Variants in PIAS4 observed in about 807,000 individuals in gnomAD.
PIAS4 encodes E3 SUMO-protein ligase PIAS4.
PIAS4 carries 7 observed loss-of-function variants against 58.0 expected under a neutral mutation model. The observed-to-expected ratio is 0.12, with a 90% CI of 0.07 to 0.23. The LOEUF (loss-of-function observed/expected upper bound fraction) is 0.23. Ranked by LOEUF, PIAS4 falls within the 10% of genes least tolerant of loss-of-function variation. The pLI, the probability that PIAS4 is intolerant of heterozygous loss-of-function variation, is 1.00. For missense variants in PIAS4, 550 were observed against 709.5 expected (o/e 0.78, Z 2.55); for synonymous variants, 364 against 312.4 (o/e 1.17, Z -1.74).
intron 7 of PIAS4, among the ~76,000 whole-genome samples, chr19:4,031,879 C>T (rs2040226099): frequency 6.6e-6 from 1 of 152,212 alleles, no homozygotes; most frequent in Non-Finnish European, 1.5e-5. Context: ...ACCTGCATCC[C>T]CTCCTAGCTG....
Position 4,037,477 on chromosome 19 carries a change from A to G in PIAS4, c.1246A>G (p.Ser416Gly). ...PIRAEKERSC[S>G]PQGAILVLGP... ...CCGCGCCGAAAAGGAGCGCAGCTGC[A>G]GCCCGCAGGGCGCCATCCTCGTGCT... The change falls in exon 10 of 11, where the codon AGC becomes GGC. Residue 416 changes from serine (S) to glycine (G), a missense_variant. Around this residue, in one of 4 missense-constraint regions of PIAS4, gnomAD observed 188 missense variants for 192.0 expected, o/e 0.98. Transcript: ENST00000262971. The surrounding 1 kb of genome is among the most constrained non-coding windows in gnomAD (Gnocchi z 5.8). 2 of 1,611,284 alleles carry G rather than the reference A, an allele frequency of 1.2e-6. No homozygotes were observed. Among genetic ancestry groups the G allele is most frequent in the Non-Finnish European group, 8.5e-7 (1 of 1,179,510 alleles).
intron 7 of PIAS4, among the ~76,000 whole-genome samples, 162 bp downstream of exon 7, chr19:4,029,198 T>C (rs1206455599): frequency 1.3e-5 from 2 of 152,144 alleles, no homozygotes; most frequent in Non-Finnish European, 2.9e-5. Context: ...GGGAGGTCTC[T>C]GGAGGATACG....
chr19:4,031,746 G>A (rs980902250), intron 7 of PIAS4, among the ~76,000 whole-genome samples: 3 of 152,334 alleles, frequency 2.0e-5, no homozygotes, highest in Non-Finnish European at 2.9e-5. Flanking sequence ...CAGCCTCTCT[G>A]TCACTGGATT....
chr19:4,013,695 G>A lies in PIAS4; in HGVS notation c.454+346G>A, dbSNP rs1177396956. Among the ~76,000 whole-genome samples, 11 of 152,124 alleles carry A rather than the reference G, an allele frequency of 7.2e-5. No individual in the cohort carries two copies. The highest frequency in any genetic ancestry group is 2.2e-4 in the African/African-American group (9 of 41,418). On this transcript the variant is annotated intron_variant, in intron 2 of 10. Coordinates refer to ENST00000262971, the MANE Select transcript of PIAS4 (RefSeq NM_015897.4). This position sits in a 1 kb window ranked among gnomAD's most constrained non-coding sequence, Gnocchi z 5.1. ...CTCATCTGGAGGCTCGACCAGGGCT[G>A]GAGCAGGCACATCCTTGTGTGGTGG... is the stretch of plus-strand genomic sequence containing the variant.
chr19:4,037,361 C>A lies in PIAS4; in HGVS notation c.1143-13C>A, dbSNP rs373574446. 7 of 1,594,422 alleles carry A rather than the reference C, an allele frequency of 4.4e-6. No homozygotes were observed. The highest frequency in any genetic ancestry group is 6.0e-6 in the Non-Finnish European group (7 of 1,167,700). ...ACCTCCAGCCCCGGCGTCAGCTGTC[C>A]GCCTCGCCCCAGGCTCCTCTCGAAG... On this transcript the variant is annotated splice_polypyrimidine_tract_variant and intron_variant, in intron 9 of 10. Transcript: ENST00000262971. This position sits in a 1 kb window ranked among gnomAD's most constrained non-coding sequence, Gnocchi z 5.8.
chr19:4,028,819 A>G lies in PIAS4; in HGVS notation c.772A>G (p.Ile258Val). The part of the protein sequence containing the change: ...LMYLSSATNR[I>V]TVTWGNYGKS... ...GTACCTGTCCTCGGCCACCAACCGC[A>G]TCACTGTCACCTGGGGGAACTACGG... The change falls in exon 6 of 11, where the codon ATC becomes GTC. Residue 258 changes from isoleucine to valine, a missense_variant. Around this residue, in one of 4 missense-constraint regions of PIAS4, gnomAD observed 225 missense variants for 345.8 expected, o/e 0.65. Transcript: ENST00000262971. 1 of 1,613,494 alleles carries G rather than the reference A, an allele frequency of 6.2e-7. No homozygotes were observed. Among genetic ancestry groups the G allele is most frequent in the East Asian group, 2.2e-5 (1 of 44,868 alleles).
rs1297649742 is a variant in PIAS4 at position 4,037,006 on chromosome 19, C to CA, written c.1143-367dup. Among the ~76,000 whole-genome samples the CA allele has an allele frequency of 1.3e-5, 2 of 152,246 alleles. No homozygotes were observed. Among genetic ancestry groups the CA allele is most frequent in the Non-Finnish European group, 2.9e-5 (2 of 68,048 alleles). On this transcript the variant is annotated intron_variant, in intron 9 of 10. Transcript: ENST00000262971. The surrounding 1 kb of genome is among the most constrained non-coding windows in gnomAD (Gnocchi z 5.8). ...GCTCGCACACATGCACAGATACACT[C>CA]ACGTCCACACACGCTCAAACATGCG...
intron 9 of PIAS4, 99 bp downstream of exon 9, chr19:4,033,679 C>T: frequency 2.0e-6 from 2 of 1,009,586 alleles, no homozygotes; most frequent in East Asian, 2.6e-5. Context: ...CCCAGCAAGA[C>T]ACAGCAGTGG....
At position 4,037,978 on chromosome 19, in the gene PIAS4, C is replaced by A; in HGVS notation, c.*103C>A. ...TGACCTTTCTTTTTCTTTTTATTGT[C>A]GTTCGTTTTGTTTTTCCACCCTTTT... On this transcript the variant is annotated 3_prime_UTR_variant, in exon 11 of 11. Transcript: ENST00000262971. The surrounding 1 kb of genome is among the most constrained non-coding windows in gnomAD (Gnocchi z 5.8). 1 of 1,293,276 alleles carries A rather than the reference C, an allele frequency of 7.7e-7. No individual in the cohort carries two copies. Among genetic ancestry groups the A allele is most frequent in the Non-Finnish European group, 1.0e-6 (1 of 954,144 alleles). The allele number at this position is 1,293,276 out of a possible 1,614,324, so 80.1% of individuals were successfully genotyped here.
chr19:4,014,974 C>T (rs1196295741), intron 2 of PIAS4, among the ~76,000 whole-genome samples: 5 of 152,178 alleles, frequency 3.3e-5, no homozygotes, highest in African/African-American at 1.2e-4. Context: ...AGCCGAGGCT[C>T]CTCCCTCCAG....
rs2040185918 is a variant in PIAS4 at position 4,028,144 on chromosome 19, A to G, written c.540-2A>G. 1 of 1,613,508 alleles carries G rather than the reference A, an allele frequency of 6.2e-7. No homozygotes were observed. The highest frequency in any genetic ancestry group is 8.5e-7 in the Non-Finnish European group (1 of 1,179,880). On this transcript the variant is annotated splice_acceptor_variant, in intron 3 of 10. Coordinates refer to ENST00000262971, the MANE Select transcript of PIAS4 (RefSeq NM_015897.4). LOFTEE classifies it high-confidence loss of function. ...TTCCTCTGGTTTGCTCCACACCCAC[A>G]GGGAACTGCAGCCCGGAGTTAAAGC...
intron 2 of PIAS4, among the ~76,000 whole-genome samples, chr19:4,020,780 T>C (rs1229793180): frequency 6.6e-6 from 1 of 151,970 alleles, no homozygotes; most frequent in African/African-American, 2.4e-5. Context: ...TAAAAACTTT[T>C]TTTAGAGACA....
At chr19:4,029,974 C>T (rs1252337382) in intron 7 of PIAS4, among the ~76,000 whole-genome samples, 5 of 151,874 alleles carry the variant, frequency 3.3e-5, no homozygotes, top group African/African-American at 1.2e-4. Flanking sequence ...AGGCATGTGC[C>T]ACCATGCCCG....
chr19:4,011,909 T>G (rs1321035905), intron 1 of PIAS4, among the ~76,000 whole-genome samples: 1 of 29,046 alleles, frequency 3.4e-5, no homozygotes, highest in African/African-American at 1.4e-4. Flanking sequence ...TGGAGGTGTG[T>G]GGGGTGTGGA....
In PIAS4 at chr19:4,013,290, G is replaced by T; in HGVS notation, c.395G>T (p.Arg132Leu). Residue 132 changes from arginine to leucine, a missense_variant, in exon 2 of 11, where the codon CGC (arginine) becomes CTC (leucine). Physicochemically the swap from Arg to Leu is moderately radical, Grantham distance 102. This residue lies in a region of PIAS4 where 225 missense variants were observed against 345.8 expected (regional missense o/e 0.65). Coordinates refer to ENST00000262971, the MANE Select transcript of PIAS4 (RefSeq NM_015897.4). The surrounding 1 kb of genome is among the most constrained non-coding windows in gnomAD (Gnocchi z 5.1). ...LPAKTLKPEVRLVKLPFFNML... is the reference protein window; with the variant it reads ...LPAKTLKPEVLLVKLPFFNML... Reference sequence around the variant, plus strand: ...GCCAAGACCCTCAAGCCAGAAGTCCGCCTGGTGAAGCTGCCGTTCTTTAAT... The same window carrying T: ...GCCAAGACCCTCAAGCCAGAAGTCCTCCTGGTGAAGCTGCCGTTCTTTAAT... 1 of 1,613,196 alleles carries T rather than the reference G, an allele frequency of 6.2e-7. No individual in the cohort carries two copies. Among genetic ancestry groups the T allele is most frequent in the Non-Finnish European group, 8.5e-7 (1 of 1,179,994 alleles).
rs1412410287 is a variant in PIAS4 at position 4,012,912 on chromosome 19, C to T, written c.28-11C>T. ...TGTCCTCTGAGTGTGTGTGTGCTTG[C>T]TCCTCCTCAGAACATGGTGATGAGT... On this transcript the variant is annotated splice_polypyrimidine_tract_variant and intron_variant, in intron 1 of 10. Coordinates refer to ENST00000262971, the MANE Select transcript of PIAS4 (RefSeq NM_015897.4). 7 of 1,603,858 alleles carry T rather than the reference C, an allele frequency of 4.4e-6. No individual in the cohort carries two copies. In the Admixed American group the frequency reaches 6.7e-5, roughly 15 times the overall value.
intron 1 of PIAS4, among the ~76,000 whole-genome samples, chr19:4,008,121 G>A (rs1436627416): frequency 6.6e-6 from 1 of 152,018 alleles, no homozygotes; most frequent in East Asian, 1.9e-4. Context: ...CCGTCCCGCC[G>A]GGATGCGGGA....
Position 4,013,390 on chromosome 19 carries a change from C to G in PIAS4, c.454+41C>G. 4 of 1,553,994 alleles carry G rather than the reference C, an allele frequency of 2.6e-6. No homozygotes were observed. Among genetic ancestry groups the G allele is most frequent in the Non-Finnish European group, 3.5e-6 (4 of 1,137,054 alleles). On this transcript the variant is annotated intron_variant, in intron 2 of 10. Coordinates refer to ENST00000262971, the MANE Select transcript of PIAS4 (RefSeq NM_015897.4). The surrounding 1 kb of genome is among the most constrained non-coding windows in gnomAD (Gnocchi z 5.1). ...GGGGAGGCTGCGACTGGAGGCTTCA[C>G]CTAGGCCCCGTCGCCCAGCCCAGCC...
At chr19:4,025,105 T>C (rs991576517) in intron 3 of PIAS4, among the ~76,000 whole-genome samples, 1 of 152,172 alleles carries the variant, frequency 6.6e-6, no homozygotes, top group African/African-American at 2.4e-5. Flanking sequence ...ATACGGGGTT[T>C]CCCCCTCCAT....
Sources: gnomAD v4.1 joint callset for allele counts (sites outside exome capture counted in the v4.1 genomes callset) on GRCh38, gnomAD v4.1.1 for gene constraint, gnomAD v4.1.1 regional missense constraint, Gnocchi (gnomAD v3.1) non-coding constraint, MANE v1.5 for transcripts, NCBI Gene and HGNC (gene_info 2026-07-23, HGNC 2026-07-21) for gene names.